The following RCAN2 variants were observed in gnomAD, a reference collection of about 807,000 sequenced individuals.
RCAN2 encodes regulator of calcineurin 2.
Under a neutral mutation model 23.6 loss-of-function variants are expected in RCAN2, and 9 were observed. The ratio of observed to expected loss-of-function variants is 0.38; its 90% CI spans 0.23 to 0.67. The LOEUF (loss-of-function observed/expected upper bound fraction) is 0.67. Ranked by LOEUF, RCAN2 falls within the 30% of genes least tolerant of loss-of-function variation. RCAN2 has a pLI of 0.51. For synonymous variants in RCAN2, 109 were observed against 115.7 expected (o/e 0.94, Z 0.37); for missense variants, 273 against 302.3 (o/e 0.90, Z 0.72).
intron 2 of RCAN2, among the ~76,000 whole-genome samples, chr6:46,260,618 C>T (rs1233485562): frequency 6.6e-6 from 1 of 152,142 alleles, no homozygotes; most frequent in Non-Finnish European, 1.5e-5. Flanking sequence ...GACTGTCCAT[C>T]CTTTGGGTGA....
intron 2 of RCAN2, among the ~76,000 whole-genome samples, chr6:46,334,761 G>A (rs1456579039): frequency 6.6e-6 from 1 of 152,168 alleles, no homozygotes; most frequent in African/African-American, 2.4e-5. Context: ...AGGCCCCACA[G>A]ATACCTTACA....
At chr6:46,307,619 A>G (rs748435482) in intron 2 of RCAN2, among the ~76,000 whole-genome samples, 9 of 152,196 alleles carry the variant, frequency 5.9e-5, no homozygotes, top group Non-Finnish European at 1.2e-4. Flanking sequence ...AGCAATAAAC[A>G]AAACAGACAA....
chr6:46,313,152 T>C (rs1419819937), intron 2 of RCAN2, among the ~76,000 whole-genome samples: 2 of 152,178 alleles, frequency 1.3e-5, no homozygotes, highest in African/African-American at 2.4e-5. Flanking sequence ...ACTTAACCTA[T>C]AAAGCTGTAA....
intron 4 of RCAN2, among the ~76,000 whole-genome samples, chr6:46,230,607 T>C (rs968436935): frequency 2.6e-5 from 4 of 152,124 alleles, no homozygotes; most frequent in African/African-American, 9.7e-5. Context: ...TGGTGTGCCG[T>C]TTGCTAAGAC....
At chr6:46,329,642 C>T (rs1199390381) in intron 2 of RCAN2, among the ~76,000 whole-genome samples, 1 of 152,068 alleles carries the variant, frequency 6.6e-6, no homozygotes, top group Non-Finnish European at 1.5e-5. Context: ...TGCAGAAGGG[C>T]TGCAAAGGCA....
chr6:46,335,997 G>A (rs949932700), intron 2 of RCAN2, among the ~76,000 whole-genome samples: 22 of 152,290 alleles, frequency 1.4e-4, no homozygotes, highest in African/African-American at 5.1e-4. Flanking sequence ...CAGTGGGTGA[G>A]CTAAATTATA....
intron 2 of RCAN2, among the ~76,000 whole-genome samples, chr6:46,436,921 AAAG>A (rs1767387020): frequency 6.6e-6 from 1 of 152,176 alleles, no homozygotes; most frequent in East Asian, 1.9e-4. Context: ...CAGTAACTCA[AAAG>A]AAAGTTCAGC....
intron 2 of RCAN2, among the ~76,000 whole-genome samples, chr6:46,402,975 T>TG (rs1766296561): frequency 6.6e-6 from 1 of 152,010 alleles, no homozygotes; most frequent in South Asian, 2.1e-4. Flanking sequence ...AATTTTTTTT[T>TG]TTTTTTTGAG....
At chr6:46,263,477 G>GTGTGTGTGTGTGTGTA in intron 2 of RCAN2, among the ~76,000 whole-genome samples, 1 of 14,960 alleles carries the variant, frequency 6.7e-5, no homozygotes, top group South Asian at 2.4e-3. Context: ...GTGTGTGTAT[G>GTGTGTGTGTGTGTGTA]TGTGTGTGTG....
chr6:46,470,917 TCCTCATTCA>T (rs1394037607), intron 1 of RCAN2, among the ~76,000 whole-genome samples: 1 of 152,252 alleles, frequency 6.6e-6, no homozygotes, highest in Non-Finnish European at 1.5e-5. Flanking sequence ...AATTCACCTC[TCCTCATTCA>T]CCTCATTCAC....
chr6:46,375,444 T>A (rs1483223117), intron 2 of RCAN2, among the ~76,000 whole-genome samples: 1 of 152,206 alleles, frequency 6.6e-6, no homozygotes, highest in Non-Finnish European at 1.5e-5. Context: ...TGATCACATC[T>A]TTCCCCTGTT....
At chr6:46,421,816 T>C (rs149559752) in intron 2 of RCAN2, among the ~76,000 whole-genome samples, 2,611 of 152,262 alleles carry the variant, frequency 0.017, 54 homozygotes, top group South Asian at 0.12. Context: ...ACCAGCACAG[T>C]ACATAATTCA....
At chr6:46,441,080 G>A (rs113021275) in intron 2 of RCAN2, among the ~76,000 whole-genome samples, 52 of 152,234 alleles carry the variant, frequency 3.4e-4, no homozygotes, top group African/African-American at 1.2e-3. Flanking sequence ...CCTTGAACCA[G>A]AGATAGACAG....
chr6:46,318,091 A>C (rs372379995), intron 2 of RCAN2, among the ~76,000 whole-genome samples: 7 of 152,204 alleles, frequency 4.6e-5, no homozygotes, highest in African/African-American at 1.7e-4. Flanking sequence ...TGGAGCTTAC[A>C]TTTGTCACCA....
chr6:46,411,942 TA>T (rs1653361904), intron 2 of RCAN2, among the ~76,000 whole-genome samples: 1 of 152,170 alleles, frequency 6.6e-6, no homozygotes, highest in Non-Finnish European at 1.5e-5. Context: ...GGGCTTTAAA[TA>T]AAGAATTGAC....
At chr6:46,375,506 C>A (rs1360247201) in intron 2 of RCAN2, among the ~76,000 whole-genome samples, 1 of 152,166 alleles carries the variant, frequency 6.6e-6, no homozygotes. Context: ...AAAAGATCAA[C>A]AAGCTTTTAA....
chr6:46,422,668 A>C (rs1184822385), intron 2 of RCAN2, among the ~76,000 whole-genome samples: 3 of 152,178 alleles, frequency 2.0e-5, no homozygotes, highest in Non-Finnish European at 4.4e-5. Flanking sequence ...AACAAAAATA[A>C]GAGTAATGAG....
chr6:46,260,133 T>C lies in RCAN2; in HGVS notation c.226-11237A>G, dbSNP rs576057433. On this transcript the variant is annotated intron_variant, in intron 2 of 4. Transcript: ENST00000371374. ...CCTTCCCAGAGGTCAGACAGTAGGC[T>C]GAAAAGCTGAAAGTTCTAACCCCAT... Among the ~76,000 whole-genome samples, 13 of 152,258 alleles carry C rather than the reference T, an allele frequency of 8.5e-5. No individual in the cohort carries two copies. In the East Asian group the frequency reaches 2.3e-3, roughly 27 times the overall value.
chr6:46,232,257 TGCTAAGTAA>T (rs1281284473), intron 4 of RCAN2, among the ~76,000 whole-genome samples: 4 of 152,260 alleles, frequency 2.6e-5, no homozygotes, highest in African/African-American at 9.6e-5. Flanking sequence ...TATGTATCGA[TGCTAAGTAA>T]GGTTCACTTA....
Sources: gnomAD v4.1 joint callset for allele counts (sites outside exome capture counted in the v4.1 genomes callset) on GRCh38, gnomAD v4.1.1 for gene constraint, MANE v1.5 for transcripts, NCBI Gene and HGNC (gene_info 2026-07-23, HGNC 2026-07-21) for gene names.